Variants in FAM227B observed in about 807,000 individuals in gnomAD.
The protein encoded by FAM227B is family with sequence similarity 227 member B.
Under a neutral mutation model 73.8 loss-of-function variants are expected in FAM227B, and 88 were observed. The ratio of observed to expected loss-of-function variants is 1.19; its 90% CI spans 1.00 to 1.42. The LOEUF is 1.42. Among genes scored for constraint, FAM227B ranks in the 40% most tolerant of loss-of-function variants. The pLI is 0.00. For synonymous variants in FAM227B, 210 were observed against 190.5 expected, an observed-to-expected ratio of 1.10 and a Z score of -0.84; for missense variants, 632 against 590.9, an observed-to-expected ratio of 1.07 and a Z score of -0.72.
intron 11 of FAM227B, among the ~76,000 whole-genome samples, chr15:49,468,332 AT>A (rs1307132030): frequency 2.6e-5 from 4 of 152,168 alleles, no homozygotes; most frequent in Non-Finnish European, 5.9e-5. Flanking sequence ...ATGTGGAACT[AT>A]TTTGAATTTC....
At chr15:49,561,175 A>G (rs2074228671) in intron 9 of FAM227B, among the ~76,000 whole-genome samples, 1 of 152,182 alleles carries the variant, frequency 6.6e-6, no homozygotes, top group Non-Finnish European at 1.5e-5. Context: ...GGGTTGGAGA[A>G]AGATCTACCA....
At chr15:49,341,930 C>G (rs2040791361) in intron 13 of FAM227B, among the ~76,000 whole-genome samples, 1 of 152,048 alleles carries the variant, frequency 6.6e-6, no homozygotes. Flanking sequence ...TTGAATTTAT[C>G]AAAACTGCTT....
At chr15:49,371,834 A>C (rs1200948632) in intron 11 of FAM227B, among the ~76,000 whole-genome samples, 1 of 145,500 alleles carries the variant, frequency 6.9e-6, no homozygotes, top group Non-Finnish European at 1.5e-5. Context: ...TTCACTTATA[A>C]ATAAATGAAA....
At position 49,328,364 on chromosome 15, in the gene FAM227B, TA is replaced by T; in HGVS notation, c.*203del. On this transcript the variant is annotated 3_prime_UTR_variant, in exon 16 of 16. Transcript: ENST00000299338. ...CCATCTTAAAATATGGTTTTACTATTAAGAGCCAAGATCATGCTTGGACAGA... is the reference window on the plus strand; with the variant it reads ...CCATCTTAAAATATGGTTTTACTATTAGAGCCAAGATCATGCTTGGACAGA... 1 of 1,429,728 alleles carries T rather than the reference TA, an allele frequency of 7.0e-7. No homozygotes were observed. The highest frequency in any genetic ancestry group is 1.6e-5 in the South Asian group (1 of 63,974). 88.6% of individuals were successfully genotyped at this position (1,429,728 alleles called of 1,614,324 possible).
chr15:49,393,965 T>TGGTATACAGGA (rs1436766209), intron 11 of FAM227B, among the ~76,000 whole-genome samples: 3 of 152,150 alleles, frequency 2.0e-5, no homozygotes, highest in African/African-American at 7.2e-5. Flanking sequence ...TATACAGGAG[T>TGGTATACAGGA]GTTCTTTAAA....
intron 11 of FAM227B, among the ~76,000 whole-genome samples, chr15:49,416,766 CACATAG>C (rs1253729205): frequency 9.8e-6 from 1 of 102,316 alleles, no homozygotes; most frequent in Non-Finnish European, 2.1e-5. Context: ...TTGCCACACA[CACATAG>C]ACACACACAC....
At chr15:49,585,224 C>T (rs1262761113) in intron 5 of FAM227B, among the ~76,000 whole-genome samples, 2 of 152,136 alleles carry the variant, frequency 1.3e-5, no homozygotes, top group Non-Finnish European at 2.9e-5. Context: ...GAAATAGGAA[C>T]ACTTTTACAC....
intron 11 of FAM227B, among the ~76,000 whole-genome samples, chr15:49,481,721 G>T (rs571558789): frequency 6.6e-6 from 1 of 152,264 alleles, no homozygotes; most frequent in Non-Finnish European, 1.5e-5. Flanking sequence ...AGGGTTGTAT[G>T]CATTGTGATA....
intron 11 of FAM227B, among the ~76,000 whole-genome samples, chr15:49,393,079 T>C (rs1407907314): frequency 6.6e-6 from 1 of 152,112 alleles, no homozygotes; most frequent in Non-Finnish European, 1.5e-5. Flanking sequence ...TAAAGTGGAG[T>C]ATTTTTAATT....
At chr15:49,541,553 G>A in intron 10 of FAM227B, 127 bp downstream of exon 10, 1 of 741,240 alleles carries the variant, frequency 1.3e-6, no homozygotes, top group Non-Finnish European at 1.9e-6. Context: ...TAACACATGG[G>A]TACTGCTATG....
intron 11 of FAM227B, chr15:49,485,815 A>G (rs1284615950): frequency 2.6e-5 from 4 of 152,248 alleles, no homozygotes; most frequent in African/African-American, 9.6e-5. Flanking sequence ...AGAAAATATC[A>G]TATTTTAAAA....
rs114677835 is a variant in FAM227B, at chr15:49,350,900, C to G, written c.1272-15404G>C. 5.6e-3 allele frequency among the ~76,000 whole-genome samples: 853 copies of G among 152,284 alleles called. 6 individuals are homozygous for G. Among genetic ancestry groups the G allele is most frequent in the African/African-American group, 0.02 (812 of 41,570 alleles). ...AGACTGCTGATAGGCTCATCCTAAT[C>G]CACTGCATGGAACAGCTTTCCCCGT... On this transcript the variant is annotated intron_variant, in intron 13 of 15. Coordinates refer to ENST00000299338, the MANE Select transcript of FAM227B (RefSeq NM_152647.3).
chr15:49,437,820 A>T (rs1224129684), intron 11 of FAM227B, among the ~76,000 whole-genome samples: 1 of 151,700 alleles, frequency 6.6e-6, no homozygotes, highest in East Asian at 1.9e-4. Flanking sequence ...CAAAGAGTCA[A>T]TTTCAGTAGA....
chr15:49,422,499 T>C, intron 11 of FAM227B: 1 of 1,274,818 alleles, frequency 7.8e-7, no homozygotes, highest in African/African-American at 1.5e-5. Flanking sequence ...TTTTAAAGAA[T>C]AACAGCTTTT....
At chr15:49,590,039 T>G (rs374817818) in intron 3 of FAM227B, 32 bp from the exon 4 acceptor site, 2 of 1,096,478 alleles carry the variant, frequency 1.8e-6, no homozygotes, top group Non-Finnish European at 2.8e-6. Context: ...GAATATAGCT[T>G]AAGTCATTTT....
chr15:49,440,861 T>A (rs74012377), intron 11 of FAM227B, among the ~76,000 whole-genome samples: 3,189 of 151,816 alleles, frequency 0.021, 139 homozygotes, highest in African/African-American at 0.074. Context: ...ATTACTGAGG[T>A]ATTATTAAAC....
intron 10 of FAM227B, among the ~76,000 whole-genome samples, chr15:49,526,467 C>A (rs944957143): frequency 6.6e-6 from 1 of 151,994 alleles, no homozygotes; most frequent in African/African-American, 2.4e-5. Flanking sequence ...AATTAACAAC[C>A]TAACATTTAC....
intron 11 of FAM227B, among the ~76,000 whole-genome samples, chr15:49,398,207 G>C (rs1205484411): frequency 6.6e-6 from 1 of 152,112 alleles, no homozygotes; most frequent in Non-Finnish European, 1.5e-5. Flanking sequence ...CCCAGTCTCT[G>C]ATACAACAGA....
intron 3 of FAM227B, among the ~76,000 whole-genome samples, chr15:49,605,608 C>T (rs2077468342): frequency 6.6e-6 from 1 of 151,878 alleles, no homozygotes; most frequent in Non-Finnish European, 1.5e-5. Context: ...GTCTCAGGAG[C>T]AGTCCTGGAG....
Sources: gnomAD v4.1 joint callset for allele counts (sites outside exome capture counted in the v4.1 genomes callset) on GRCh38, gnomAD v4.1.1 for gene constraint, MANE v1.5 for transcripts, NCBI Gene and HGNC (gene_info 2026-07-23, HGNC 2026-07-21) for gene names.